SNX29: variants seen among roughly 807,000 people sequenced by gnomAD.
The protein encoded by SNX29 is sorting nexin 29, also known as sorting nexin-29.
A neutral mutation model predicts 102.1 loss-of-function variants in SNX29; 78 were observed. The observed-to-expected ratio is 0.76, with a 90% CI of 0.64 to 0.92. The LOEUF (loss-of-function observed/expected upper bound fraction) is 0.92, where lower values mean the gene tolerates loss of function less well. SNX29 is among the 40% of genes least tolerant of loss of function. The pLI is 0.00. For missense variants in SNX29, 1,280 were observed against 1,061.7 expected (o/e 1.21, Z -2.86); for synonymous variants, 580 against 414.5 (o/e 1.40, Z -4.85).
chr16:12,278,505 G>C (rs898229922), intron 15 of SNX29, among the ~76,000 whole-genome samples: 1 of 152,092 alleles, frequency 6.6e-6, no homozygotes, highest in African/African-American at 2.4e-5. Flanking sequence ...TTGGAATAAA[G>C]TTGTACAAAT....
Position 12,551,973 on chromosome 16 carries a change from C to G in SNX29, c.2319-16533C>G, listed in dbSNP as rs947079000. On this transcript the variant is annotated intron_variant, in intron 20 of 20. Transcript: ENST00000566228. Reference sequence around the variant, plus strand: ...TTCCCCAGCCAGGCTGTGCCCAACACAGTGCCATGTCAAAGTAGCTCCTGC... The same window carrying G: ...TTCCCCAGCCAGGCTGTGCCCAACAGAGTGCCATGTCAAAGTAGCTCCTGC... 2.6e-5 allele frequency among the ~76,000 whole-genome samples: 4 copies of G among 152,342 alleles called. No individual in the cohort carries two copies. The East Asian group carries it at 5.8e-4, about 22-fold the overall frequency.
chr16:12,563,933 C>T lies in SNX29; in HGVS notation c.2319-4573C>T, dbSNP rs117296804. Among the ~76,000 whole-genome samples, 146 of 152,344 alleles carry T rather than the reference C, an allele frequency of 9.6e-4. 5 individuals carry two copies. The highest frequency in any genetic ancestry group is 8.9e-3 in the East Asian group (46 of 5,176). On this transcript the variant is annotated intron_variant, in intron 20 of 20. Coordinates refer to ENST00000566228, the MANE Select transcript of SNX29 (RefSeq NM_032167.5). The stretch of plus-strand genomic sequence containing the variant: ...CAGCCGAAGACCTACAATACCTAGA[C>T]GCTGATCTTGTTCAAGAAAGACGAG...
chr16:12,311,038 T>G (rs573851093), intron 15 of SNX29, among the ~76,000 whole-genome samples: 1 of 152,184 alleles, frequency 6.6e-6, no homozygotes, highest in African/African-American at 2.4e-5. Context: ...AGTTATAAAT[T>G]ATAATAAAAA....
chr16:12,511,099 A>G lies in SNX29; in HGVS notation c.2179-13603A>G, dbSNP rs578062011. ...AGACATAAAGATGAGATTTCATCCAACCACAGATTTCTCACTGTGCCAGGA... is the reference window on the plus strand; with the variant it reads ...AGACATAAAGATGAGATTTCATCCAGCCACAGATTTCTCACTGTGCCAGGA... On this transcript the variant is annotated intron_variant, in intron 19 of 20. Transcript: ENST00000566228. Among the ~76,000 whole-genome samples the G allele has an allele frequency of 5.3e-5, 8 of 152,346 alleles. No individual in the cohort carries two copies. In the East Asian group the frequency reaches 1.5e-3, roughly 29 times the overall value.
At chr16:12,352,220 C>T (rs1013036844) in intron 15 of SNX29, among the ~76,000 whole-genome samples, 3 of 152,106 alleles carry the variant, frequency 2.0e-5, no homozygotes, top group Admixed American at 2.0e-4. Context: ...TTTGTACGGA[C>T]ATGGATGAAG....
chr16:12,238,295 G>A (rs1193910176), intron 14 of SNX29, among the ~76,000 whole-genome samples: 1 of 143,484 alleles, frequency 7.0e-6, no homozygotes, highest in Non-Finnish European at 1.5e-5. Flanking sequence ...CAGCCTTTTG[G>A]ATGGGCACTT....
chr16:12,464,569 C>G (rs374653126), intron 18 of SNX29, among the ~76,000 whole-genome samples: 3 of 151,952 alleles, frequency 2.0e-5, no homozygotes, highest in Admixed American at 6.6e-5. Context: ...TCCTCCCACC[C>G]TAGCCTCCTG....
intron 20 of SNX29, among the ~76,000 whole-genome samples, chr16:12,537,734 G>T (rs1405082583): frequency 1.3e-5 from 2 of 152,012 alleles, no homozygotes; most frequent in Non-Finnish European, 2.9e-5. Flanking sequence ...AGGTATTTTT[G>T]GCACAATGAC....
intron 16 of SNX29, among the ~76,000 whole-genome samples, chr16:12,378,220 C>T (rs1457747404): frequency 6.6e-6 from 1 of 152,142 alleles, no homozygotes; most frequent in South Asian, 2.1e-4. Context: ...GATTGGGTAT[C>T]TGCATCTGGT....
At chr16:12,508,416 G>A (rs570971991) in intron 19 of SNX29, among the ~76,000 whole-genome samples, 78 of 152,200 alleles carry the variant, frequency 5.1e-4, no homozygotes, top group Non-Finnish European at 9.8e-4. Flanking sequence ...GACTGTTTTT[G>A]ATGGCCCATT....
intron 14 of SNX29, among the ~76,000 whole-genome samples, chr16:12,225,103 A>G (rs1389060652): frequency 6.6e-6 from 1 of 152,212 alleles, no homozygotes; most frequent in Non-Finnish European, 1.5e-5. Flanking sequence ...GGTATTGATT[A>G]ATATTGATTA....
At chr16:12,331,752 A>G (rs1001135395) in intron 15 of SNX29, among the ~76,000 whole-genome samples, 79 of 152,108 alleles carry the variant, frequency 5.2e-4, no homozygotes, top group Admixed American at 3.3e-4. Context: ...TCGTTTCACC[A>G]TGTTGGCCAG....
intron 1 of SNX29, among the ~76,000 whole-genome samples, chr16:11,994,512 C>G (rs920548253): frequency 2.6e-5 from 4 of 152,164 alleles, no homozygotes; most frequent in African/African-American, 9.7e-5. Context: ...GCTCCAGGAT[C>G]CCATGGACTT....
rs534066893 is a variant in SNX29, at chr16:12,270,950, G to A, written c.1679-6983G>A. On this transcript the variant is annotated intron_variant, in intron 14 of 20. Transcript: ENST00000566228. ...CCCAGCTACTCAAGAGGCTGAGGCA[G>A]GAGAATGGCTTGAACTGGGGAGGTG... is the stretch of plus-strand genomic sequence containing the variant. 5.3e-5 allele frequency among the ~76,000 whole-genome samples: 8 copies of A among 152,314 alleles called. No homozygotes were observed. The South Asian group carries it at 1.4e-3, about 28-fold the overall frequency.
chr16:12,533,402 G>GA (rs940225799), intron 20 of SNX29, among the ~76,000 whole-genome samples: 9 of 152,102 alleles, frequency 5.9e-5, no homozygotes, highest in African/African-American at 2.2e-4. Flanking sequence ...CCCCTTTTGT[G>GA]ATGTGTTGAT....
chr16:12,387,082 G>C (rs2083366320), intron 16 of SNX29, among the ~76,000 whole-genome samples: 1 of 151,660 alleles, frequency 6.6e-6, no homozygotes, highest in South Asian at 2.1e-4. Context: ...CCGAGATTGT[G>C]CCACTGTATT....
rs138982959 is a variant in SNX29, at chr16:12,386,500, C to T, written c.1900-11946C>T. 4.2e-3 allele frequency among the ~76,000 whole-genome samples: 639 copies of T among 152,304 alleles called. 4 individuals are homozygous for T. The highest frequency in any genetic ancestry group is 0.015 in the African/African-American group (616 of 41,562). ...GGGTGGCTGCGTCTCCCTCCACGCT[C>T]TTCACTGCTCTGCCCACCTGTTCTC... On this transcript the variant is annotated intron_variant, in intron 16 of 20. Transcript: ENST00000566228.
At chr16:12,557,183 T>TA (rs770117473) in intron 20 of SNX29, 2 of 152,192 alleles carry the variant, frequency 1.3e-5, no homozygotes, top group Non-Finnish European at 2.9e-5. Flanking sequence ...AAGGTAGATA[T>TA]ACTGACTCCA....
At chr16:12,067,849 C>T (rs1162007328) in intron 9 of SNX29, among the ~76,000 whole-genome samples, 1 of 152,198 alleles carries the variant, frequency 6.6e-6, no homozygotes, top group East Asian at 1.9e-4. Flanking sequence ...TGTCACCATG[C>T]AGCCCAAGGC....
Sources: allele counts gnomAD v4.1 joint callset (sites outside exome capture counted in the v4.1 genomes callset), GRCh38; gene constraint gnomAD v4.1.1; transcripts MANE v1.5; gene names NCBI Gene and HGNC (gene_info 2026-07-23, HGNC 2026-07-21).